Variants in MARCHF10 observed in about 807,000 individuals in gnomAD.
MARCHF10 encodes probable E3 ubiquitin-protein ligase MARCHF10.
Under a neutral mutation model 76.2 loss-of-function variants are expected in MARCHF10, and 64 were observed. That is an observed-to-expected ratio of 0.84 (90% confidence interval 0.69 to 1.03). The LOEUF (loss-of-function observed/expected upper bound fraction) is 1.03, where lower values mean the gene tolerates loss of function less well. Ranked by LOEUF, MARCHF10 falls within the 50% of genes least tolerant of loss-of-function variation. The probability of loss-of-function intolerance (pLI) is 0.00; values close to 1 mark genes in which losing one functional copy is unlikely to be tolerated. For missense variants in MARCHF10, 875 were observed against 958.0 expected, an observed-to-expected ratio of 0.91 and a Z score of 1.14; for synonymous variants, 340 against 357.5, an observed-to-expected ratio of 0.95 and a Z score of 0.55.
At chr17:62,757,979 T>C (rs547983845) in intron 4 of MARCHF10, among the ~76,000 whole-genome samples, 59 of 152,278 alleles carry the variant, frequency 3.9e-4, no homozygotes, top group African/African-American at 1.4e-3. Flanking sequence ...AACTAAAGCA[T>C]TGGGTGGATC....
At chr17:62,757,069 T>C (rs1476340882) in intron 4 of MARCHF10, among the ~76,000 whole-genome samples, 3 of 152,202 alleles carry the variant, frequency 2.0e-5, no homozygotes, top group Non-Finnish European at 4.4e-5. Context: ...AAATGCTTTT[T>C]TGATGACATG....
chr17:62,782,695 G>A (rs1372086433), intron 3 of MARCHF10, among the ~76,000 whole-genome samples: 1 of 151,958 alleles, frequency 6.6e-6, no homozygotes, highest in Non-Finnish European at 1.5e-5. Context: ...ATCTGGGAGG[G>A]GAATCTCCAA....
chr17:62,746,173 C>T (rs1382344982), intron 4 of MARCHF10, among the ~76,000 whole-genome samples: 2 of 152,190 alleles, frequency 1.3e-5, no homozygotes, highest in Non-Finnish European at 2.9e-5. Context: ...ATGACTAGGT[C>T]TACTTACTTC....
intron 2 of MARCHF10, chr17:62,795,122 T>TG: frequency 1.1e-6 from 1 of 921,482 alleles, no homozygotes; most frequent in Non-Finnish European, 1.3e-6. Flanking sequence ...TCCAAACCCT[T>TG]GCCACCCGCT....
intron 3 of MARCHF10, among the ~76,000 whole-genome samples, chr17:62,766,428 A>T (rs1407690575): frequency 6.6e-6 from 1 of 152,090 alleles, no homozygotes; most frequent in Admixed American, 6.6e-5. Context: ...TGAACCTGGG[A>T]GGTGGAGGTT....
chr17:62,773,387 G>T (rs992212705), intron 3 of MARCHF10, among the ~76,000 whole-genome samples: 3 of 152,230 alleles, frequency 2.0e-5, no homozygotes, highest in African/African-American at 7.2e-5. Context: ...TCTGTGGAAT[G>T]ATGAGCATGG....
chr17:62,796,505 A>T (rs1015595032), intron 2 of MARCHF10, among the ~76,000 whole-genome samples: 1 of 152,230 alleles, frequency 6.6e-6, no homozygotes, highest in African/African-American at 2.4e-5. Context: ...GAAAATGCTC[A>T]ATGAGAGTGG....
chr17:62,803,264 G>T (rs1440948284), intron 1 of MARCHF10, among the ~76,000 whole-genome samples: 1 of 151,968 alleles, frequency 6.6e-6, no homozygotes, highest in Non-Finnish European at 1.5e-5. Context: ...CTCTAACCTG[G>T]GCAACAGAGC....
chr17:62,745,259 A>C (rs1014249910), intron 4 of MARCHF10, among the ~76,000 whole-genome samples: 3 of 151,810 alleles, frequency 2.0e-5, no homozygotes, highest in African/African-American at 7.3e-5. Flanking sequence ...GCCTGCCACC[A>C]TGCCCAGCTA....
intron 4 of MARCHF10, among the ~76,000 whole-genome samples, chr17:62,758,948 T>C (rs915275229): frequency 6.6e-6 from 1 of 152,184 alleles, no homozygotes; most frequent in Non-Finnish European, 1.5e-5. Context: ...CCGAGAGACA[T>C]TAAAGTTTCA....
At chr17:62,774,838 G>A (rs192474537) in intron 3 of MARCHF10, among the ~76,000 whole-genome samples, 8 of 152,042 alleles carry the variant, frequency 5.3e-5, no homozygotes, top group Non-Finnish European at 1.0e-4. Context: ...AGTGGATCAC[G>A]AGGTCAGGAG....
intron 2 of MARCHF10, among the ~76,000 whole-genome samples, chr17:62,796,445 C>A (rs2092987214): frequency 6.6e-6 from 1 of 152,244 alleles, no homozygotes; most frequent in South Asian, 2.1e-4. Flanking sequence ...TTTAGAACAT[C>A]TTAAAGACAA....
intron 2 of MARCHF10, among the ~76,000 whole-genome samples, chr17:62,801,077 G>A (rs1050660458): frequency 7.6e-6 from 1 of 132,334 alleles, no homozygotes; most frequent in African/African-American, 3.0e-5. Context: ...ACTGAGGGAA[G>A]TACTTTTACA....
intron 2 of MARCHF10, among the ~76,000 whole-genome samples, chr17:62,789,381 C>T (rs952530062): frequency 6.6e-6 from 1 of 152,180 alleles, no homozygotes; most frequent in African/African-American, 2.4e-5. Flanking sequence ...GCTCTCTTGG[C>T]AAAACCGACT....
intron 5 of MARCHF10, among the ~76,000 whole-genome samples, chr17:62,742,816 G>A (rs1318457403): frequency 6.6e-6 from 1 of 150,784 alleles, no homozygotes; most frequent in Non-Finnish European, 1.5e-5. Context: ...ATTTTTTTTG[G>A]AGATATGGGG....
chr17:62,790,079 C>T (rs2092816822), intron 2 of MARCHF10, among the ~76,000 whole-genome samples: 1 of 152,064 alleles, frequency 6.6e-6, no homozygotes, highest in African/African-American at 2.4e-5. Context: ...AAATCTGGTA[C>T]CAAAATATTT....
intron 3 of MARCHF10, among the ~76,000 whole-genome samples, chr17:62,772,062 G>A (rs1247070578): frequency 6.6e-6 from 1 of 152,150 alleles, no homozygotes; most frequent in African/African-American, 2.4e-5. Flanking sequence ...ATTCAGTGCG[G>A]GGGGAGATGG....
chr17:62,757,522 C>T (rs1222808327), intron 4 of MARCHF10, among the ~76,000 whole-genome samples: 1 of 152,058 alleles, frequency 6.6e-6, no homozygotes, highest in African/African-American at 2.4e-5. Flanking sequence ...TTTCACTATG[C>T]TAATTAGGGA....
At chr17:62,731,190 A>G (rs2091008873) in intron 6 of MARCHF10, among the ~76,000 whole-genome samples, 1 of 152,212 alleles carries the variant, frequency 6.6e-6, no homozygotes, top group African/African-American at 2.4e-5. Context: ...CTACACCAAA[A>G]ATATATACAT....
Sources: allele counts gnomAD v4.1 joint callset (sites outside exome capture counted in the v4.1 genomes callset), GRCh38; gene constraint gnomAD v4.1.1; transcripts MANE v1.5; gene names NCBI Gene and HGNC (gene_info 2026-07-23, HGNC 2026-07-21).